NRBF2: variants seen among roughly 807,000 people sequenced by gnomAD.
The protein encoded by NRBF2 is nuclear receptor binding factor 2.
A neutral mutation model predicts 28.5 loss-of-function variants in NRBF2; 12 were observed. That is an observed-to-expected ratio of 0.42 (90% CI 0.27 to 0.68). The LOEUF (loss-of-function observed/expected upper bound fraction) is 0.68. Among genes scored for constraint, NRBF2 ranks in the 30% least tolerant of loss-of-function variants. The probability of loss-of-function intolerance (pLI) is 0.24; values close to 1 mark genes in which losing one functional copy is unlikely to be tolerated. For synonymous variants in NRBF2, 102 were observed against 116.5 expected (o/e 0.88, Z 0.80); for missense variants, 274 against 333.5 (o/e 0.82, Z 1.39).
rs1841526844 is a variant in NRBF2, at chr10:63,144,385, C to G, written c.31-1824C>G. 4.0e-5 allele frequency among the ~76,000 whole-genome samples: 6 copies of G among 150,570 alleles called. No individual in the cohort carries two copies. In the South Asian group the frequency reaches 1.2e-3, roughly 31 times the overall value. On this transcript the variant is annotated intron_variant, in intron 1 of 3. Coordinates refer to ENST00000277746, the MANE Select transcript of NRBF2 (RefSeq NM_030759.5). Reference sequence around the variant, plus strand: ...TCAGTCTAATGTCCTCACAGTTCATCCATGTTGTAGTATGTGTCAGAATTA... The same window carrying G: ...TCAGTCTAATGTCCTCACAGTTCATGCATGTTGTAGTATGTGTCAGAATTA...
At chr10:63,144,102 C>T (rs1841521478) in intron 1 of NRBF2, among the ~76,000 whole-genome samples, 1 of 152,040 alleles carries the variant, frequency 6.6e-6, no homozygotes, top group Non-Finnish European at 1.5e-5. Context: ...GTGAAGTTTA[C>T]CTTCTTAATT....
chr10:63,149,805 G>C (rs1474538676), intron 2 of NRBF2, among the ~76,000 whole-genome samples: 1 of 152,194 alleles, frequency 6.6e-6, no homozygotes, highest in Admixed American at 6.5e-5. Flanking sequence ...ACTATTGTTT[G>C]TTAAGAAAGT....
intron 2 of NRBF2, among the ~76,000 whole-genome samples, chr10:63,148,104 G>T (rs1421795155): frequency 6.6e-6 from 1 of 152,152 alleles, no homozygotes; most frequent in African/African-American, 2.4e-5. Flanking sequence ...GTTAAGTGGA[G>T]TGAATCAGCA....
At chr10:63,136,433 A>G (rs1381761854) in intron 1 of NRBF2, among the ~76,000 whole-genome samples, 2 of 152,176 alleles carry the variant, frequency 1.3e-5, no homozygotes. Flanking sequence ...TTCTTTTTCT[A>G]TACTCAGAGA....
intron 1 of NRBF2, among the ~76,000 whole-genome samples, chr10:63,141,724 G>A (rs1426091277): frequency 2.0e-5 from 3 of 152,172 alleles, no homozygotes; most frequent in East Asian, 1.9e-4. Context: ...TGGGAAAGCC[G>A]GGCTTATGTG....
chr10:63,154,169 C>G lies in NRBF2; in HGVS notation c.815C>G (p.Pro272Arg). 6.2e-7 allele frequency: 1 copy of G among 1,611,010 alleles called. No individual in the cohort carries two copies. The highest frequency in any genetic ancestry group is 8.5e-7 in the Non-Finnish European group (1 of 1,177,500). ...TTGGATTTTCCATCTCCAGAACTTC[C>G]TCTTATGGAGCTCTCTGAGGATATT... ...PPLDFPSPEL[P>R]LMELSEDILK... Residue 272 changes from proline (P) to arginine (R), a missense_variant, in exon 4 of 4, where the codon CCT becomes CGT. Transcript: ENST00000277746.
At chr10:63,147,522 C>T (rs1310717517) in intron 2 of NRBF2, among the ~76,000 whole-genome samples, 1 of 151,734 alleles carries the variant, frequency 6.6e-6, no homozygotes, top group Non-Finnish European at 1.5e-5. Flanking sequence ...CCATGTTGGC[C>T]AGGCTGGTCT....
At chr10:63,152,551 C>CT (rs1841666756) in intron 3 of NRBF2, among the ~76,000 whole-genome samples, 1 of 152,206 alleles carries the variant, frequency 6.6e-6, no homozygotes. Flanking sequence ...TTGGACCACC[C>CT]TTTGCTTGTC....
Position 63,154,210 on chromosome 10 carries a change from A to C in NRBF2, c.856A>C (p.Asn286His), listed in dbSNP as rs766907289. The C allele has an allele frequency of 5.1e-6, 8 of 1,556,224 alleles. No homozygotes were observed. In the African/African-American group the frequency reaches 1.1e-4, roughly 21 times the overall value. Residue 286 changes from asparagine (N) to histidine (H), a missense_variant, in exon 4 of 4, where the codon AAT becomes CAT. Coordinates refer to ENST00000277746, the MANE Select transcript of NRBF2 (RefSeq NM_030759.5). ...LSEDILKGFM[N>H]N ...TGAGGATATTCTGAAAGGATTTATG[A>C]ATAATTAAAATGGAAGGCCACAGAA...
rs1030511032 is a variant in NRBF2 at position 63,154,851 on chromosome 10, C to T, written c.*633C>T. 1 of 152,544 alleles carries T rather than the reference C, an allele frequency of 6.6e-6. No individual in the cohort carries two copies. The highest frequency in any genetic ancestry group is 2.4e-5 in the African/African-American group (1 of 41,410). The allele number at this position is 152,544 out of a possible 1,614,324, so 9.4% of individuals were successfully genotyped here. A position where few individuals can be genotyped will look rare whatever the true frequency, so the allele number is the denominator to read the frequency against. On this transcript the variant is annotated 3_prime_UTR_variant, in exon 4 of 4. Transcript: ENST00000277746. ...TTATTATGCTTTTTAAAACAAATTA[C>T]CAGTTTACATAATTAATCAGGGTGC... is the stretch of plus-strand genomic sequence containing the variant.
At chr10:63,137,380 A>G (rs1417207691) in intron 1 of NRBF2, among the ~76,000 whole-genome samples, 4 of 152,264 alleles carry the variant, frequency 2.6e-5, no homozygotes. Context: ...ACAAATGTCA[A>G]AACTCTTGTG....
intron 2 of NRBF2, among the ~76,000 whole-genome samples, chr10:63,151,197 CGTA>C (rs1227877080): frequency 2.0e-5 from 3 of 152,104 alleles, no homozygotes; most frequent in African/African-American, 7.2e-5. Context: ...AGCAATGCCT[CGTA>C]GTATCTGCAA....
chr10:63,150,476 T>A (rs924078620), intron 2 of NRBF2: 6 of 449,990 alleles, frequency 1.3e-5, no homozygotes, highest in Non-Finnish European at 1.8e-5. Context: ...AGTCTTGAAC[T>A]CCTGGGCTCA....
At chr10:63,138,743 CAA>C (rs894650031) in intron 1 of NRBF2, among the ~76,000 whole-genome samples, 10 of 117,564 alleles carry the variant, frequency 8.5e-5, no homozygotes, top group Non-Finnish European at 1.1e-4. Flanking sequence ...GACTCTGTCT[CAA>C]AAAAAAAAAA....
intron 2 of NRBF2, chr10:63,150,251 C>A: frequency 2.6e-6 from 1 of 379,444 alleles, no homozygotes; most frequent in Non-Finnish European, 3.6e-6. Context: ...CACACCCGGC[C>A]GTCTTCACAG....
At chr10:63,141,337 G>A (rs1841463097) in intron 1 of NRBF2, among the ~76,000 whole-genome samples, 1 of 152,156 alleles carries the variant, frequency 6.6e-6, no homozygotes, top group Non-Finnish European at 1.5e-5. Context: ...TCAGGAGGCT[G>A]AGGTGGCAGG....
chr10:63,152,056 T>C, intron 2 of NRBF2, 94 bp from the exon 3 acceptor site: 1 of 888,192 alleles, frequency 1.1e-6, no homozygotes, highest in East Asian at 2.5e-5. Context: ...AGACCAGTTC[T>C]CTTTGTCATA....
intron 1 of NRBF2, among the ~76,000 whole-genome samples, chr10:63,141,531 A>G (rs533386191): frequency 2.6e-5 from 4 of 152,244 alleles, no homozygotes; most frequent in South Asian, 2.1e-4. Flanking sequence ...CATCACTTCT[A>G]TTGTCTTTTG....
At chr10:63,137,223 T>C (rs950500085) in intron 1 of NRBF2, among the ~76,000 whole-genome samples, 1 of 152,192 alleles carries the variant, frequency 6.6e-6, no homozygotes, top group African/African-American at 2.4e-5. Flanking sequence ...AATCTTCCTG[T>C]CTCAGCCTCC....
Sources: gnomAD v4.1 joint callset for allele counts (sites outside exome capture counted in the v4.1 genomes callset) on GRCh38, gnomAD v4.1.1 for gene constraint, MANE v1.5 for transcripts, NCBI Gene and HGNC (gene_info 2026-07-23, HGNC 2026-07-21) for gene names.